Variants in SHANK2 observed in about 807,000 individuals in gnomAD.
SHANK2 encodes SH3 and multiple ankyrin repeat domains protein 2.
Under a neutral mutation model 133.7 loss-of-function variants are expected in SHANK2, and 43 were observed. The ratio of observed to expected loss-of-function variants is 0.32; its 90% CI spans 0.25 to 0.41. The LOEUF (loss-of-function observed/expected upper bound fraction) is 0.41, where lower values mean the gene tolerates loss of function less well. Ranked by LOEUF, SHANK2 falls within the 10% of genes least tolerant of loss-of-function variation. The probability of loss-of-function intolerance (pLI) is 1.00; values close to 1 mark genes in which losing one functional copy is unlikely to be tolerated. For missense variants in SHANK2, 1,994 were observed against 2,235.8 expected (o/e 0.89, Z 2.18); for synonymous variants, 1,017 against 952.8 (o/e 1.07, Z -1.24).
chr11:70,888,749 G>A lies in SHANK2; in HGVS notation c.1174+7752C>T, dbSNP rs1949786841. ...GCAGAATCGCTTGAACCTGGGAGGTGGAGGTTGAAGTGAACTGAAACCGCT... is the reference window on the plus strand; with the variant it reads ...GCAGAATCGCTTGAACCTGGGAGGTAGAGGTTGAAGTGAACTGAAACCGCT... On this transcript the variant is annotated intron_variant, in intron 11 of 25. Coordinates refer to ENST00000601538, the MANE Select transcript of SHANK2 (RefSeq NM_012309.5). 2.0e-5 allele frequency among the ~76,000 whole-genome samples: 3 copies of A among 152,094 alleles called. No individual in the cohort carries two copies. In the South Asian group the frequency reaches 6.2e-4, roughly 32 times the overall value.
intron 1 of SHANK2, among the ~76,000 whole-genome samples, chr11:71,241,256 G>C (rs1186781176): frequency 6.6e-6 from 1 of 152,220 alleles, no homozygotes; most frequent in Non-Finnish European, 1.5e-5. Context: ...TCAACAGGAA[G>C]AGAAAGAATA....
chr11:71,124,170 A>AT (rs1952132321), intron 3 of SHANK2, among the ~76,000 whole-genome samples: 1 of 119,726 alleles, frequency 8.4e-6, no homozygotes, highest in African/African-American at 3.2e-5. Flanking sequence ...GATAGCGATG[A>AT]TGGTGATGGT....
At chr11:71,185,083 G>A (rs1953643171) in intron 2 of SHANK2, among the ~76,000 whole-genome samples, 2 of 152,148 alleles carry the variant, frequency 1.3e-5, no homozygotes, top group South Asian at 4.2e-4. Context: ...AAAATGTGGT[G>A]CTCTCCCCAC....
chr11:70,926,310 C>T (rs1406435216), intron 10 of SHANK2, among the ~76,000 whole-genome samples: 1 of 152,190 alleles, frequency 6.6e-6, no homozygotes, highest in Non-Finnish European at 1.5e-5. Context: ...ATTTGGGAGG[C>T]TGAGGCGGGA....
chr11:70,516,071 G>C (rs1554970030), intron 17 of SHANK2, among the ~76,000 whole-genome samples: 3 of 152,096 alleles, frequency 2.0e-5, no homozygotes, highest in Non-Finnish European at 2.9e-5. Context: ...TTTCAGAGTA[G>C]CTCCTAAAAG....
chr11:71,207,802 C>G (rs1187755960), intron 2 of SHANK2, among the ~76,000 whole-genome samples: 2 of 152,036 alleles, frequency 1.3e-5, no homozygotes, highest in Non-Finnish European at 2.9e-5. Context: ...AGTGTGACAC[C>G]GTCACTGGAG....
At chr11:71,246,846 T>C (rs1284070731) in intron 1 of SHANK2, among the ~76,000 whole-genome samples, 1 of 152,190 alleles carries the variant, frequency 6.6e-6, no homozygotes, top group Admixed American at 6.5e-5. Flanking sequence ...ACCCACTGCC[T>C]TCTCACTCAG....
At chr11:71,101,270 C>T (rs1951712890) in intron 6 of SHANK2, among the ~76,000 whole-genome samples, 1 of 152,172 alleles carries the variant, frequency 6.6e-6, no homozygotes. Context: ...TCACCCTTAC[C>T]CTCGCCACTC....
At chr11:70,492,248 G>T (rs782356240) in intron 22 of SHANK2, 87 bp downstream of exon 22, 132 of 1,571,576 alleles carry the variant, frequency 8.4e-5, no homozygotes, top group Non-Finnish European at 1.0e-4. Flanking sequence ...ACATGAAAGC[G>T]TGTGCACCTC....
intron 17 of SHANK2, among the ~76,000 whole-genome samples, chr11:70,581,562 G>A (rs1384491685): frequency 2.0e-5 from 3 of 152,120 alleles, no homozygotes; most frequent in South Asian, 2.1e-4. Flanking sequence ...GTGGTGGCAC[G>A]TGCCTGTAAT....
intron 2 of SHANK2, among the ~76,000 whole-genome samples, chr11:71,169,617 G>T (rs1319285493): frequency 2.0e-5 from 3 of 152,054 alleles, no homozygotes; most frequent in Non-Finnish European, 4.4e-5. Context: ...CAGGTGTTGG[G>T]GGAGGTGCCT....
In SHANK2 at chr11:71,175,868, G is replaced by A. The variant is rs782056393; in HGVS notation, c.-12-28530C>T. Among the ~76,000 whole-genome samples the A allele has an allele frequency of 3.5e-4, 53 of 152,302 alleles. No homozygotes were observed. Among genetic ancestry groups the A allele is most frequent in the Non-Finnish European group, 5.4e-4 (37 of 68,030 alleles). On this transcript the variant is annotated intron_variant, in intron 2 of 25. Transcript: ENST00000601538. The surrounding 1 kb of genome is among the most constrained non-coding windows in gnomAD (Gnocchi z 4.2). ...CCAGGCAAACTCCCAGAGTGGAGGC[G>A]ATGGGGCTGAGAACACAGGAAGGCC... is the stretch of plus-strand genomic sequence containing the variant.
rs116509578 is a variant in SHANK2, at chr11:70,520,845, G to A, written c.2062-17914C>T. Among the ~76,000 whole-genome samples, 929 of 152,274 alleles carry A rather than the reference G, an allele frequency of 6.1e-3. 6 individuals are homozygous for A. The highest frequency in any genetic ancestry group is 0.021 in the African/African-American group (858 of 41,548). On this transcript the variant is annotated intron_variant, in intron 17 of 25. Coordinates refer to ENST00000601538, the MANE Select transcript of SHANK2 (RefSeq NM_012309.5). The stretch of plus-strand genomic sequence containing the variant: ...TTTATTTTCTAGCTCAAATTGTCCC[G>A]GCCGTGGTCTTTGGGAGCTCCTTGG...
At chr11:71,145,613 G>A (rs1457106626) in intron 3 of SHANK2, among the ~76,000 whole-genome samples, 2 of 152,196 alleles carry the variant, frequency 1.3e-5, no homozygotes, top group Non-Finnish European at 1.5e-5. Context: ...TTTAGCCCTC[G>A]CTGGGGACCA....
At chr11:70,647,750 C>G (rs2061284753) in intron 17 of SHANK2, among the ~76,000 whole-genome samples, 1 of 152,176 alleles carries the variant, frequency 6.6e-6, no homozygotes, top group Admixed American at 6.5e-5. Context: ...CAAAAGGGGA[C>G]AGGACCCCCT....
At chr11:70,849,486 T>G (rs1315859080) in intron 11 of SHANK2, among the ~76,000 whole-genome samples, 1 of 152,124 alleles carries the variant, frequency 6.6e-6, no homozygotes, top group African/African-American at 2.4e-5. Context: ...GGCAGGCTAG[T>G]GTAGGAAGTG....
intron 17 of SHANK2, among the ~76,000 whole-genome samples, chr11:70,610,427 G>A (rs541038784): frequency 6.6e-6 from 1 of 152,308 alleles, no homozygotes; most frequent in South Asian, 2.1e-4. Flanking sequence ...GCCAAGGCCA[G>A]GAGGTCTGTC....
intron 10 of SHANK2, among the ~76,000 whole-genome samples, chr11:70,905,871 G>T (rs1847813320): frequency 6.6e-6 from 1 of 150,966 alleles, no homozygotes; most frequent in Admixed American, 6.6e-5. Context: ...GAGTGCAGTG[G>T]CACGATCTCC....
At chr11:70,890,053 C>G (rs1220143915) in intron 11 of SHANK2, among the ~76,000 whole-genome samples, 1 of 152,170 alleles carries the variant, frequency 6.6e-6, no homozygotes, top group Admixed American at 6.5e-5. Context: ...GCACAGGATC[C>G]ACCATCCTTC....
Sources: gnomAD v4.1 joint callset for allele counts (sites outside exome capture counted in the v4.1 genomes callset) on GRCh38, gnomAD v4.1.1 for gene constraint, Gnocchi (gnomAD v3.1) non-coding constraint, MANE v1.5 for transcripts, NCBI Gene and HGNC (gene_info 2026-07-23, HGNC 2026-07-21) for gene names.